Variants in WDR1 observed in about 807,000 individuals in gnomAD.
WDR1 encodes WD repeat-containing protein 1.
A neutral mutation model predicts 71.9 loss-of-function variants in WDR1; 21 were observed. That is an observed-to-expected ratio of 0.29 (90% confidence interval 0.21 to 0.42). WDR1 has a LOEUF of 0.42. Ranked by LOEUF, WDR1 falls within the 10% of genes least tolerant of loss-of-function variation. WDR1 has a pLI of 1.00. For missense variants in WDR1, 696 were observed against 824.5 expected, an observed-to-expected ratio of 0.84 and a Z score of 1.91; for synonymous variants, 424 against 347.4, an observed-to-expected ratio of 1.22 and a Z score of -2.45.
intron 12 of WDR1, 145 bp downstream of exon 12, chr4:10,078,746 G>T: frequency 3.1e-6 from 2 of 648,982 alleles, no homozygotes; most frequent in Non-Finnish European, 2.6e-6. Context: ...GGGCCCCAGA[G>T]CAGGTCCCAC....
Position 10,099,031 on chromosome 4 carries a change from T to C in WDR1, c.338A>G (p.Asp113Gly), listed in dbSNP as rs1260211980. 2 of 1,613,838 alleles carry C rather than the reference T, an allele frequency of 1.2e-6. No homozygotes were observed. Among genetic ancestry groups the C allele is most frequent in the Admixed American group, 3.3e-5 (2 of 60,000 alleles). ...CCCGACCACGGCGATCCTCTTACTG[T>C]CTTCAGTCCAAGCAATGTCTTTGAT... is the stretch of plus-strand genomic sequence containing the variant. ...GKIKDIAWTE[D>G]SKRIAVVGEG... is the part of the protein sequence containing the mutation. The change falls in exon 4 of 15, where the codon GAC (aspartate) becomes GGC (glycine). Residue 113 changes from aspartate to glycine, a missense_variant. By Grantham distance (94) the Asp-to-Gly change is moderately conservative. Transcript: ENST00000499869.
chr4:10,093,927 T>C (rs1483524476), intron 5 of WDR1, among the ~76,000 whole-genome samples: 1 of 152,224 alleles, frequency 6.6e-6, no homozygotes, highest in Non-Finnish European at 1.5e-5. Context: ...AGCTCAAATT[T>C]TCCTTATCTA....
chr4:10,078,660 C>T (rs1480103253), intron 12 of WDR1: 2 of 476,700 alleles, frequency 4.2e-6, no homozygotes, highest in South Asian at 2.6e-5. Flanking sequence ...TGTGGGCACC[C>T]GGGCAGTGAG....
intron 4 of WDR1, among the ~76,000 whole-genome samples, chr4:10,098,738 C>G (rs1336175465): frequency 6.6e-6 from 1 of 152,222 alleles, no homozygotes; most frequent in African/African-American, 2.4e-5. Flanking sequence ...AGCTGGGGTT[C>G]TAGCAGGCAA....
chr4:10,104,232 T>C (rs1290098580), intron 2 of WDR1, among the ~76,000 whole-genome samples: 1 of 150,684 alleles, frequency 6.6e-6, no homozygotes, highest in African/African-American at 2.5e-5. Flanking sequence ...ACAAGGTGAT[T>C]TTTTTCCTTT....
intron 2 of WDR1, among the ~76,000 whole-genome samples, chr4:10,113,177 G>A (rs1412415554): frequency 6.6e-6 from 1 of 152,240 alleles, no homozygotes. Flanking sequence ...TGGCCAACAC[G>A]GCGAAACCCC....
intron 8 of WDR1, among the ~76,000 whole-genome samples, chr4:10,086,892 G>A (rs900596621): frequency 2.6e-5 from 4 of 152,184 alleles, no homozygotes; most frequent in South Asian, 2.1e-4. Flanking sequence ...GGAAGCAGGC[G>A]AGGGCGCTGC....
At chr4:10,116,607 G>A in intron 1 of WDR1, 44 bp downstream of exon 1, 3 of 1,191,632 alleles carry the variant, frequency 2.5e-6, no homozygotes, top group Non-Finnish European at 3.1e-6. Flanking sequence ...CCGGGGCCGG[G>A]GCAGCGCGGC....
intron 10 of WDR1, among the ~76,000 whole-genome samples, chr4:10,081,663 T>TGGG (rs57903680): frequency 1.9e-4 from 14 of 73,222 alleles, no homozygotes; most frequent in South Asian, 5.9e-4. Context: ...CGGGGAGGGG[T>TGGG]GGGGGGGGGG....
At chr4:10,087,973 G>C in intron 7 of WDR1, 33 bp from the exon 8 acceptor site, 1 of 1,527,150 alleles carries the variant, frequency 6.5e-7, no homozygotes, top group African/African-American at 1.4e-5. Flanking sequence ...TCATGTGCCA[G>C]AGGACTACAG....
chr4:10,097,681 A>T, intron 5 of WDR1, 30 bp downstream of exon 5: 1 of 1,596,130 alleles, frequency 6.3e-7, no homozygotes, highest in Non-Finnish European at 8.6e-7. Context: ...TACAAACCAC[A>T]AATTTCACCC....
In WDR1 at chr4:10,075,446, G is replaced by C; in HGVS notation, c.1753C>G (p.Leu585Val). 1.2e-6 allele frequency: 2 copies of C among 1,614,036 alleles called. No homozygotes were observed. Among genetic ancestry groups the C allele is most frequent in the Admixed American group, 3.3e-5 (2 of 60,020 alleles). ...GTCGTGACCAGCGTGTGCTCGTCCA[G>C]CCAGGCCAGGCTGCTGACATGGTGC... ...RLHHVSSLAW[L>V]DEHTLVTTSH... Residue 585 changes from leucine to valine, a missense_variant, in exon 15 of 15, where the codon CTG becomes GTG. Leu to Val is a conservative substitution (Grantham distance 32). Coordinates refer to ENST00000499869, the MANE Select transcript of WDR1 (RefSeq NM_017491.5).
In WDR1 at chr4:10,097,778, G is replaced by A. The variant is rs541839425; in HGVS notation, c.491C>T (p.Thr164Met). Residue 164 changes from threonine (T) to methionine (M), a missense_variant, in exon 5 of 15, where the codon ACG (threonine) becomes ATG (methionine). Physicochemically the swap from Thr to Met is moderately conservative, Grantham distance 81. Transcript: ENST00000499869. ...TGCCGCGCAGTTATCATCGCTTCCCGTGGCCAGCCGGTATGGCCGGCTCTG... is the reference window on the plus strand; with the variant it reads ...TGCCGCGCAGTTATCATCGCTTCCCATGGCCAGCCGGTATGGCCGGCTCTG... ...IKQSRPYRLA[T>M]GSDDNCAAFF... 1 of 1,613,762 alleles carries A rather than the reference G, an allele frequency of 6.2e-7. No individual in the cohort carries two copies. The highest frequency in any genetic ancestry group is 1.3e-5 in the African/African-American group (1 of 75,010).
chr4:10,087,702 C>A lies in WDR1; in HGVS notation c.951+5G>T. ...GGGCAGAGCCTTCCCCAGGGCAGGC[C>A]TTACCTTGATGACGTGCAGGGGCTT... On this transcript the variant is annotated splice_donor_5th_base_variant and intron_variant, in intron 8 of 14. Coordinates refer to ENST00000499869, the MANE Select transcript of WDR1 (RefSeq NM_017491.5). The A allele has an allele frequency of 6.3e-6, 10 of 1,581,370 alleles. No individual in the cohort carries two copies. Among genetic ancestry groups the A allele is most frequent in the Non-Finnish European group, 8.6e-6 (10 of 1,162,924 alleles).
chr4:10,099,163 AG>A (rs746121966), intron 3 of WDR1, 24 bp from the exon 4 acceptor site: 149 of 180,658 alleles, frequency 8.2e-4, no homozygotes, highest in South Asian at 3.6e-3. Flanking sequence ...CGGGCGGGGG[AG>A]GGGGGGAGGC....
chr4:10,114,261 C>A (rs1489550173), intron 2 of WDR1, among the ~76,000 whole-genome samples: 1 of 152,130 alleles, frequency 6.6e-6, no homozygotes, highest in African/African-American at 2.4e-5. Flanking sequence ...TGGCAAACCA[C>A]GGGGAAGGGG....
intron 3 of WDR1, among the ~76,000 whole-genome samples, chr4:10,101,137 T>C (rs1287440726): frequency 1.3e-5 from 2 of 152,202 alleles, no homozygotes; most frequent in African/African-American, 4.8e-5. Context: ...GACAGAACAG[T>C]ATCATGAAAA....
intron 2 of WDR1, among the ~76,000 whole-genome samples, chr4:10,112,429 T>C (rs972874225): frequency 3.3e-5 from 5 of 152,176 alleles, no homozygotes; most frequent in African/African-American, 1.2e-4. Flanking sequence ...TCTGGAATAT[T>C]AGTTTCTACA....
At chr4:10,102,102 G>T (rs1560542311) in intron 3 of WDR1, among the ~76,000 whole-genome samples, 2 of 152,200 alleles carry the variant, frequency 1.3e-5, no homozygotes, top group South Asian at 4.1e-4. Flanking sequence ...TCACCCAGCC[G>T]CCTGGCTCGA....
Sources: gnomAD v4.1 joint callset for allele counts (sites outside exome capture counted in the v4.1 genomes callset) on GRCh38, gnomAD v4.1.1 for gene constraint, MANE v1.5 for transcripts, NCBI Gene and HGNC (gene_info 2026-07-23, HGNC 2026-07-21) for gene names.